SASH1: variants seen among roughly 807,000 people sequenced by gnomAD.
SASH1 encodes the protein SAM and SH3 domain containing 1, also known as SAM and SH3 domain-containing protein 1.
In SASH1, 44 loss-of-function variants were observed where a neutral mutation model predicts 125.2. The observed-to-expected ratio is 0.35, with a 90% CI of 0.28 to 0.45. The LOEUF is 0.45. Among genes scored for constraint, SASH1 ranks in the 20% least tolerant of loss-of-function variants. SASH1 has a pLI of 1.00. For missense variants in SASH1, 1,426 were observed against 1,614.5 expected (o/e 0.88, Z 2.00); for synonymous variants, 639 against 649.1 (o/e 0.98, Z 0.24).
At chr6:148,494,876 G>A (rs1434358351) in intron 8 of SASH1, among the ~76,000 whole-genome samples, 1 of 152,154 alleles carries the variant, frequency 6.6e-6, no homozygotes, top group Non-Finnish European at 1.5e-5. Context: ...GACTTCCAAG[G>A]TCTCAACTAA....
chr6:148,401,362 T>A (rs1384745623), intron 2 of SASH1, among the ~76,000 whole-genome samples: 12 of 152,006 alleles, frequency 7.9e-5, no homozygotes, highest in Non-Finnish European at 1.6e-4. Flanking sequence ...GGAAAATACA[T>A]CTCAATACAC....
chr6:148,499,575 A>G (rs1476718068), intron 8 of SASH1, among the ~76,000 whole-genome samples: 4 of 152,132 alleles, frequency 2.6e-5, no homozygotes, highest in Admixed American at 1.3e-4. Context: ...TTTCCTGCCT[A>G]TTGTGATAGG....
chr6:148,438,757 CAAA>C (rs58204987), intron 2 of SASH1, among the ~76,000 whole-genome samples: 15 of 79,484 alleles, frequency 1.9e-4, no homozygotes, highest in African/African-American at 5.4e-4. Context: ...CCAAAACAAA[CAAA>C]AAAAAAAACC....
chr6:148,414,896 G>C lies in SASH1; in HGVS notation c.285+24634G>C, dbSNP rs941020031. On this transcript the variant is annotated intron_variant, in intron 2 of 19. Coordinates refer to ENST00000367467, the MANE Select transcript of SASH1 (RefSeq NM_015278.5). ...TGACCTTAAGTGATCCACCCACCTC[G>C]GCCTCCCAAAGTGCTGGGAATACAG... Among the ~76,000 whole-genome samples the C allele has an allele frequency of 2.6e-5, 4 of 152,106 alleles. No homozygotes were observed. In the East Asian group the frequency reaches 5.8e-4, roughly 22 times the overall value.
At chr6:148,520,755 A>G (rs1780761130) in intron 10 of SASH1, among the ~76,000 whole-genome samples, 1 of 152,080 alleles carries the variant, frequency 6.6e-6, no homozygotes, top group Non-Finnish European at 1.5e-5. Context: ...AGGGCATTTC[A>G]CCCTTGAAAG....
the SASH1 span, among the ~76,000 whole-genome samples, chr6:148,252,791 TTAA>T: frequency 6.6e-6 from 1 of 152,086 alleles, no homozygotes; most frequent in Non-Finnish European, 1.5e-5. Flanking sequence ...AAGCTAATTA[TTAA>T]TAACTCTTAG....
intron 1 of SASH1, among the ~76,000 whole-genome samples, chr6:148,362,152 A>C (rs138952804): frequency 0.02 from 2,947 of 150,902 alleles, 72 homozygotes; most frequent in African/African-American, 0.062. Flanking sequence ...TGGTCTCGAT[A>C]TCCTGACCTT....
intron 19 of SASH1, 81 bp from the exon 20 acceptor site, chr6:148,548,214 G>A (rs1782671462): frequency 7.8e-7 from 1 of 1,284,260 alleles, no homozygotes; most frequent in Admixed American, 2.2e-5. Flanking sequence ...GTATTTCAGT[G>A]CTGTTCCTTT....
intron 8 of SASH1, among the ~76,000 whole-genome samples, chr6:148,494,967 T>C (rs1779256396): frequency 6.6e-6 from 1 of 152,230 alleles, no homozygotes; most frequent in South Asian, 2.1e-4. Flanking sequence ...ACCATAAACA[T>C]GTGCCTCTCC....
chr6:148,210,510 G>A, the SASH1 span, among the ~76,000 whole-genome samples: 11 of 152,338 alleles, frequency 7.2e-5, no homozygotes, highest in South Asian at 8.3e-4. Flanking sequence ...TCCAGCCTGG[G>A]CAACAGAGCA....
At chr6:148,386,666 G>A (rs1273220722) in intron 1 of SASH1, among the ~76,000 whole-genome samples, 1 of 152,184 alleles carries the variant, frequency 6.6e-6, no homozygotes, top group African/African-American at 2.4e-5. Flanking sequence ...TTCTGGATGA[G>A]GACAGCATCA....
At chr6:148,361,938 GA>G in intron 1 of SASH1, among the ~76,000 whole-genome samples, 2 of 65,564 alleles carry the variant, frequency 3.1e-5, no homozygotes, top group Admixed American at 1.7e-4. Flanking sequence ...TTTTGAGACA[GA>G]GTCTCACTCT....
chr6:148,254,178 G>A, the SASH1 span, among the ~76,000 whole-genome samples: 1 of 151,608 alleles, frequency 6.6e-6, no homozygotes, highest in Non-Finnish European at 1.5e-5. Flanking sequence ...CTGTACTCCA[G>A]CCTGGGCTAC....
rs183396479 is a variant in SASH1 at position 148,298,392 on chromosome 6, G to A, written n.74+26015G>A. ...CACCTGTAATCCCAGCACTTTGGGAGGCTGAGGCAGGAGGATTGCTTGAGC... is the reference window on the plus strand; with the variant it reads ...CACCTGTAATCCCAGCACTTTGGGAAGCTGAGGCAGGAGGATTGCTTGAGC... On this transcript the variant is annotated intron_variant and non_coding_transcript_variant, in intron 1 of 3. Coordinates refer to the SASH1 transcript ENST00000367469. 1.1e-3 allele frequency among the ~76,000 whole-genome samples: 161 copies of A among 152,214 alleles called. 4 individuals are homozygous for A. In the East Asian group the frequency reaches 0.026, roughly 24 times the overall value.
intron 4 of SASH1, among the ~76,000 whole-genome samples, chr6:148,462,269 A>G (rs1777645982): frequency 6.6e-6 from 1 of 151,946 alleles, no homozygotes; most frequent in South Asian, 2.1e-4. Flanking sequence ...AAATGAGGTT[A>G]TAACCACTTT....
At chr6:148,438,809 G>C (rs1486102679) in intron 2 of SASH1, among the ~76,000 whole-genome samples, 1 of 146,714 alleles carries the variant, frequency 6.8e-6, no homozygotes, top group Non-Finnish European at 1.5e-5. Context: ...GTTTACCCAA[G>C]TGTGCGGTGC....
the SASH1 span, among the ~76,000 whole-genome samples, chr6:148,241,040 C>A: frequency 6.6e-6 from 1 of 152,090 alleles, no homozygotes; most frequent in Non-Finnish European, 1.5e-5. Context: ...TCTTCACAGA[C>A]CTATTTTTGG....
At chr6:148,218,534 C>T in the SASH1 span, among the ~76,000 whole-genome samples, 1 of 152,314 alleles carries the variant, frequency 6.6e-6, no homozygotes, top group Non-Finnish European at 1.5e-5. Context: ...CCCAGTGCAA[C>T]TAAGCTGGTG....
chr6:148,505,468 G>A (rs1779745253), intron 8 of SASH1, among the ~76,000 whole-genome samples: 2 of 151,624 alleles, frequency 1.3e-5, no homozygotes. Flanking sequence ...TGTGCACTAT[G>A]CCTGACTAAT....
Sources: gnomAD v4.1 joint callset for allele counts (sites outside exome capture counted in the v4.1 genomes callset) on GRCh38, gnomAD v4.1.1 for gene constraint, MANE v1.5 for transcripts, NCBI Gene and HGNC (gene_info 2026-07-23, HGNC 2026-07-21) for gene names.